The following CDK18 variants were observed in gnomAD, a reference collection of about 807,000 sequenced individuals.
CDK18 encodes cyclin dependent kinase 18.
CDK18 carries 52 observed loss-of-function variants against 62.0 expected under a neutral mutation model. That is an observed-to-expected ratio of 0.84 (90% CI 0.67 to 1.06). The LOEUF (loss-of-function observed/expected upper bound fraction) is 1.06. Ranked by LOEUF, CDK18 falls within the 50% of genes least tolerant of loss-of-function variation. The pLI is 0.00. For missense variants in CDK18, 604 were observed against 619.9 expected, an observed-to-expected ratio of 0.97 and a Z score of 0.27; for synonymous variants, 237 against 247.0, an observed-to-expected ratio of 0.96 and a Z score of 0.38.
chr1:205,524,373 G>C lies in CDK18; in HGVS notation c.399+16G>C. On this transcript the variant is annotated intron_variant, in intron 4 of 15. Coordinates refer to ENST00000429964, the MANE Select transcript of CDK18 (RefSeq NM_212502.3). ...GGCCTCCCTGGTGAGTCCCAAGAGGGTCAGAGGACACAAGGTGGGGTGATA... is the reference window on the plus strand; with the variant it reads ...GGCCTCCCTGGTGAGTCCCAAGAGGCTCAGAGGACACAAGGTGGGGTGATA... The C allele has an allele frequency of 6.2e-7, 1 of 1,614,046 alleles. No homozygotes were observed.
intron 1 of CDK18, among the ~76,000 whole-genome samples, chr1:205,518,654 C>A (rs537604234): frequency 1.3e-5 from 2 of 152,226 alleles, no homozygotes; most frequent in African/African-American, 4.8e-5. Context: ...CTTGGATGTT[C>A]AGCATCTTCA....
Position 205,527,048 on chromosome 1 carries a change from C to T in CDK18, c.729+211C>T. On this transcript the variant is annotated intron_variant, in intron 8 of 15. Coordinates refer to ENST00000429964, the MANE Select transcript of CDK18 (RefSeq NM_212502.3). This position sits in a 1 kb window ranked among gnomAD's most constrained non-coding sequence, Gnocchi z 4.1. Reference sequence around the variant, plus strand: ...ACAGACACACACTGTCTGCCACTGTCTAGCTGTTGGTATAAAACCCACTCT... The same window carrying T: ...ACAGACACACACTGTCTGCCACTGTTTAGCTGTTGGTATAAAACCCACTCT... 3 of 574,980 alleles carry T rather than the reference C, an allele frequency of 5.2e-6. No individual in the cohort carries two copies. Among genetic ancestry groups the T allele is most frequent in the Non-Finnish European group, 9.4e-6 (3 of 320,702 alleles). 35.6% of individuals were successfully genotyped at this position (574,980 alleles called of 1,614,324 possible).
chr1:205,529,485 T>G (rs1344971233), intron 12 of CDK18, 36 bp from the exon 13 acceptor site: 1 of 1,609,454 alleles, frequency 6.2e-7, no homozygotes, highest in East Asian at 2.2e-5. Flanking sequence ...CCATCCCCAA[T>G]CAGGCACAGC....
chr1:205,505,720 CT>C (rs1667274120), intron 1 of CDK18, among the ~76,000 whole-genome samples: 1 of 152,152 alleles, frequency 6.6e-6, no homozygotes, highest in African/African-American at 2.4e-5. Flanking sequence ...GGGAGTTGGG[CT>C]GCAGAAACAG....
intron 1 of CDK18, among the ~76,000 whole-genome samples, chr1:205,518,001 A>G (rs1335197705): frequency 6.6e-6 from 1 of 152,064 alleles, no homozygotes; most frequent in African/African-American, 2.4e-5. Flanking sequence ...AGTGAACCAG[A>G]CTTACTTCTG....
chr1:205,526,793 T>C lies in CDK18; in HGVS notation c.685T>C (p.Tyr229His). 1 of 1,614,044 alleles carries C rather than the reference T, an allele frequency of 6.2e-7. No individual in the cohort carries two copies. The highest frequency in any genetic ancestry group is 8.5e-7 in the Non-Finnish European group (1 of 1,179,930). ...GTTCCAGGACAGTGACCTGAAGCAG[T>C]ATCTGGACCACTGTGGGAACCTCAT... ...FEYLDSDLKQ[Y>H]LDHCGNLMSM... Residue 229 changes from tyrosine to histidine, a missense_variant, in exon 8 of 16, where the codon TAT (tyrosine) becomes CAT (histidine). Tyr to His is a moderately conservative substitution (Grantham distance 83, BLOSUM62 2). Transcript: ENST00000429964.
rs1041973378 is a variant in CDK18, at chr1:205,523,476, C to G, written c.131-7C>G. Reference sequence around the variant, plus strand: ...CAGGGAGGGGAGCTGACGCCTGTCCCTCTTAGACTTGCAGCTCGGTCCTCT... The same window carrying G: ...CAGGGAGGGGAGCTGACGCCTGTCCGTCTTAGACTTGCAGCTCGGTCCTCT... On this transcript the variant is annotated splice_region_variant and splice_polypyrimidine_tract_variant and intron_variant, in intron 2 of 15. Transcript: ENST00000429964. 2.6e-5 allele frequency: 42 copies of G among 1,600,196 alleles called. No individual in the cohort carries two copies. Among genetic ancestry groups the G allele is most frequent in the Middle Eastern group, 1.6e-4 (1 of 6,062 alleles).
chr1:205,516,513 G>A lies in CDK18; in HGVS notation c.-21-6634G>A, dbSNP rs769739236. On this transcript the variant is annotated intron_variant, in intron 1 of 15. Transcript: ENST00000429964. The surrounding 1 kb of genome is among the most constrained non-coding windows in gnomAD (Gnocchi z 4.8). ...AAACAAAACAAAAAGAGGGACTTGG[G>A]GATGCATCTAACATGTGCCTGGAAC... 3.3e-5 allele frequency among the ~76,000 whole-genome samples: 5 copies of A among 152,136 alleles called. No individual in the cohort carries two copies. The highest frequency in any genetic ancestry group is 7.4e-5 in the Non-Finnish European group (5 of 68,024).
intron 13 of CDK18, 21 bp downstream of exon 13, chr1:205,529,584 G>A: frequency 1.9e-6 from 3 of 1,613,546 alleles, no homozygotes; most frequent in South Asian, 2.2e-5. Context: ...TCCCGGCGGG[G>A]CCCAGGGAGA....
In CDK18 at chr1:205,529,099, C is replaced by T; in HGVS notation, c.1072+3C>T. On this transcript the variant is annotated splice_donor_region_variant and intron_variant, in intron 11 of 15. Transcript: ENST00000429964. ...GCACCTCATCTTTCGCCTCCTCGGT[C>T]AGTCTCCCGCTGCTCCGTCCCTCTC... 6.4e-7 allele frequency: 1 copy of T among 1,570,080 alleles called. No individual in the cohort carries two copies. The highest frequency in any genetic ancestry group is 8.6e-7 in the Non-Finnish European group (1 of 1,156,478).
intron 1 of CDK18, among the ~76,000 whole-genome samples, chr1:205,512,924 G>A (rs747188166): frequency 6.6e-6 from 1 of 152,224 alleles, no homozygotes; most frequent in Non-Finnish European, 1.5e-5. Context: ...CCAAAGTTGG[G>A]CATGGAGAGA....
At chr1:205,518,609 A>G (rs1294187576) in intron 1 of CDK18, among the ~76,000 whole-genome samples, 1 of 152,200 alleles carries the variant, frequency 6.6e-6, no homozygotes, top group Non-Finnish European at 1.5e-5. Flanking sequence ...ACAACCAGGA[A>G]ATTGCTGCGT....
At chr1:205,514,130 AC>A (rs1667704379) in intron 1 of CDK18, among the ~76,000 whole-genome samples, 1 of 152,224 alleles carries the variant, frequency 6.6e-6, no homozygotes, top group African/African-American at 2.4e-5. Flanking sequence ...TGACAAGTAA[AC>A]AGTTACAGGA....
chr1:205,521,613 C>T (rs547669889), intron 1 of CDK18, among the ~76,000 whole-genome samples: 88 of 152,332 alleles, frequency 5.8e-4, no homozygotes, highest in African/African-American at 2.0e-3. Flanking sequence ...CTGAAAGGTG[C>T]CAGCCCGCTA....
rs760825595 is a variant in CDK18 at position 205,530,228 on chromosome 1, G to A, written c.1222-31G>A. Reference sequence around the variant, plus strand: ...CCAGAGGGTTTGCAGCCCCCCAGCCGGGCCCAATAGCCCCACCCTGTGCCT... The same window carrying A: ...CCAGAGGGTTTGCAGCCCCCCAGCCAGGCCCAATAGCCCCACCCTGTGCCT... On this transcript the variant is annotated intron_variant, in intron 13 of 15. Coordinates refer to ENST00000429964, the MANE Select transcript of CDK18 (RefSeq NM_212502.3). 138 of 1,608,348 alleles carry A rather than the reference G, an allele frequency of 8.6e-5. 3 individuals carry two copies. In the South Asian group the frequency reaches 1.1e-3, roughly 13 times the overall value.
chr1:205,514,622 G>A (rs1375500225), intron 1 of CDK18, among the ~76,000 whole-genome samples: 3 of 152,194 alleles, frequency 2.0e-5, no homozygotes, highest in Non-Finnish European at 4.4e-5. Flanking sequence ...CTTTGTCCTT[G>A]AGGGATCTAA....
intron 1 of CDK18, among the ~76,000 whole-genome samples, chr1:205,511,820 G>A (rs1373037388): frequency 5.3e-5 from 8 of 152,164 alleles, no homozygotes; most frequent in Non-Finnish European, 1.0e-4. Flanking sequence ...TTGGGAGGCC[G>A]AGGCGGGCGG....
intron 1 of CDK18, among the ~76,000 whole-genome samples, chr1:205,518,519 C>T (rs1202227998): frequency 6.6e-6 from 1 of 152,154 alleles, no homozygotes; most frequent in Non-Finnish European, 1.5e-5. Context: ...CAAGCCTGGG[C>T]CACAGGGAAG....
chr1:205,527,771 C>T lies in CDK18; in HGVS notation c.730-23C>T, dbSNP rs1026094246. On this transcript the variant is annotated intron_variant, in intron 8 of 15. Coordinates refer to ENST00000429964, the MANE Select transcript of CDK18 (RefSeq NM_212502.3). This position sits in a 1 kb window ranked among gnomAD's most constrained non-coding sequence, Gnocchi z 4.1. ...AGGCTCAGGGCCACCTTCCACCCCA[C>T]ATTTCTCTTCCCCCTCCCCCAGATT... 3 of 1,612,438 alleles carry T rather than the reference C, an allele frequency of 1.9e-6. No individual in the cohort carries two copies. Among genetic ancestry groups the T allele is most frequent in the African/African-American group, 2.7e-5 (2 of 74,910 alleles).
Sources: allele counts gnomAD v4.1 joint callset (sites outside exome capture counted in the v4.1 genomes callset), GRCh38; gene constraint gnomAD v4.1.1; non-coding constraint Gnocchi (gnomAD v3.1); transcripts MANE v1.5; gene names NCBI Gene and HGNC (gene_info 2026-07-23, HGNC 2026-07-21).